The following IGHMBP2 variants were observed in gnomAD, a reference collection of about 807,000 sequenced individuals.
The protein encoded by IGHMBP2 is immunoglobulin mu DNA binding protein 2, also known as DNA-binding protein SMUBP-2.
Under a neutral mutation model 96.0 loss-of-function variants are expected in IGHMBP2, and 81 were observed. The observed-to-expected ratio is 0.84, with a 90% CI of 0.71 to 1.01. The LOEUF is 1.01. Ranked by LOEUF, IGHMBP2 falls within the 50% of genes least tolerant of loss-of-function variation. The pLI is 0.00. For synonymous variants in IGHMBP2, 557 were observed against 548.9 expected (o/e 1.01, Z -0.21); for missense variants, 1,227 against 1,306.3 (o/e 0.94, Z 0.94).
Position 68,936,994 on chromosome 11 carries a change from GC to G in IGHMBP2, c.2515del (p.Gln839ArgfsTer139). On this transcript the variant is annotated frameshift_variant, in exon 13 of 15. Transcript: ENST00000255078. LOFTEE classifies it high-confidence loss of function. ...DLRTLHLERL[Q>X]RVRSAQGQPA... Reference sequence around the variant, plus strand: ...TGAGGACGCTGCACCTGGAGAGACTGCAGAGGGTCAGGAGCGCGCAGGGGCA... The same window carrying G: ...TGAGGACGCTGCACCTGGAGAGACTGAGAGGGTCAGGAGCGCGCAGGGGCA... 6.2e-7 allele frequency: 1 copy of G among 1,609,492 alleles called. No homozygotes were observed. Among genetic ancestry groups the G allele is most frequent in the South Asian group, 1.1e-5 (1 of 90,856 alleles).
Position 68,930,432 on chromosome 11 carries a change from C to T in IGHMBP2, c.1235+1075C>T, listed in dbSNP as rs569671113. The stretch of plus-strand genomic sequence containing the variant: ...GGGGCGTGGGCAGCCCAGGAGTTGG[C>T]GGGTATGTAGAGAGAGGTGTCAAAA... On this transcript the variant is annotated intron_variant, in intron 8 of 14. Coordinates refer to ENST00000255078, the MANE Select transcript of IGHMBP2 (RefSeq NM_002180.3). The T allele has an allele frequency of 2.6e-5, 33 of 1,289,170 alleles. No homozygotes were observed. In the African/African-American group the frequency reaches 3.6e-4, roughly 14 times the overall value. The allele number at this position is 1,289,170 out of a possible 1,614,324, so 79.9% of individuals were successfully genotyped here.
At chr11:68,932,114 CG>C (rs1285956995) in intron 8 of IGHMBP2, among the ~76,000 whole-genome samples, 2 of 123,134 alleles carry the variant, frequency 1.6e-5, no homozygotes, top group Admixed American at 8.6e-5. Context: ...AGGATGGTTT[CG>C]GGGGAAGACG....
intron 7 of IGHMBP2, 95 bp downstream of exon 7, chr11:68,917,978 G>T (rs1325695415): frequency 7.1e-7 from 1 of 1,401,344 alleles, no homozygotes; most frequent in Middle Eastern, 2.4e-4. Context: ...TTTAGAATTG[G>T]TATTTCTTTC....
intron 4 of IGHMBP2, among the ~76,000 whole-genome samples, chr11:68,909,239 G>A (rs1373176631): frequency 6.7e-6 from 1 of 150,242 alleles, no homozygotes; most frequent in East Asian, 2.0e-4. Context: ...GAGTATAGTG[G>A]CATGATCTTG....
rs781560475 is a variant in IGHMBP2 at position 68,936,591 on chromosome 11, C to T, written c.2111C>T (p.Ser704Phe). 5.0e-6 allele frequency: 8 copies of T among 1,612,704 alleles called. No homozygotes were observed. The highest frequency in any genetic ancestry group is 6.8e-6 in the Non-Finnish European group (8 of 1,179,360). ...AAGCCGGCTGGGAAGTCTCTGGCCT[C>T]TGAAGCTCCATCTCAGCCCAGCCTC... ...RKKPAGKSLA[S>F]EAPSQPSLNG... Residue 704 changes from serine (S) to phenylalanine (F), a missense_variant, in exon 13 of 15, where the codon TCT becomes TTT. Ser to Phe is a radical substitution (Grantham distance 155). Around this residue, in one of 3 missense-constraint regions of IGHMBP2, gnomAD observed 703 missense variants for 770.3 expected, o/e 0.91. Coordinates refer to ENST00000255078, the MANE Select transcript of IGHMBP2 (RefSeq NM_002180.3).
At chr11:68,908,487 G>T in intron 3 of IGHMBP2, 47 bp from the exon 4 acceptor site, 1 of 1,513,718 alleles carries the variant, frequency 6.6e-7, no homozygotes. Flanking sequence ...GCAGAGGCTC[G>T]GGCACTGAAT....
chr11:68,932,189 G>C (rs1303247018), intron 8 of IGHMBP2: 1 of 152,960 alleles, frequency 6.5e-6, no homozygotes, highest in East Asian at 1.9e-4. Flanking sequence ...GGCGTTCCCT[G>C]CAGAGAGTAG....
intron 7 of IGHMBP2, among the ~76,000 whole-genome samples, chr11:68,923,063 C>T (rs751363268): frequency 6.6e-6 from 1 of 152,160 alleles, no homozygotes. Flanking sequence ...TTTCGATGAA[C>T]TGTTCCCCTT....
rs922075405 is a variant in IGHMBP2, at chr11:68,935,415, C to T, written c.1749C>T (p.Asn583=). The change falls in exon 12 of 15, where the codon AAC becomes AAT. Residue 583 remains asparagine (N), a synonymous_variant. Transcript: ENST00000255078. ...TGATACTGTCCTTCGTCAGATCCAA[C>T]AGGAAAGGTACGGAGCCCTCGCCAG... The part of the protein sequence containing the change: ...EAVILSFVRS[N]RKGEVGFLAE... 6.2e-6 allele frequency: 10 copies of T among 1,613,950 alleles called. No homozygotes were observed. In the African/African-American group the frequency reaches 1.2e-4, roughly 19 times the overall value.
chr11:68,933,899 C>G lies in IGHMBP2; in HGVS notation c.1523C>G (p.Ser508Trp), dbSNP rs754465226. The change falls in exon 10 of 15, where the codon TCG (serine) becomes TGG (tryptophan). Residue 508 changes from serine (S) to tryptophan (W), a missense_variant. Transcript: ENST00000255078. ...GAGCTGGAGGAGGAGGACGAACAGT[C>G]GAAAGGGAACCCTGGTGAGCTTGCT... ...LFELEEEDEQ[S>W]KGNPGEVRLV... 6.3e-7 allele frequency: 1 copy of G among 1,593,184 alleles called. No homozygotes were observed. The highest frequency in any genetic ancestry group is 8.6e-7 in the Non-Finnish European group (1 of 1,168,450).
chr11:68,919,682 A>G (rs1299429126), intron 7 of IGHMBP2, among the ~76,000 whole-genome samples: 4 of 152,242 alleles, frequency 2.6e-5, no homozygotes, highest in Admixed American at 6.5e-5. Context: ...ATCTCTGAAT[A>G]TAACTGGACA....
At position 68,928,719 on chromosome 11, in the gene IGHMBP2, C is replaced by T. The variant is rs548152184; in HGVS notation, c.1061-464C>T. 5.9e-5 allele frequency among the ~76,000 whole-genome samples: 9 copies of T among 152,244 alleles called. 1 individual carries two copies. Among genetic ancestry groups the T allele is most frequent in the African/African-American group, 1.9e-4 (8 of 41,508 alleles). On this transcript the variant is annotated intron_variant, in intron 7 of 14. Coordinates refer to ENST00000255078, the MANE Select transcript of IGHMBP2 (RefSeq NM_002180.3). Reference sequence around the variant, plus strand: ...GCCTGAACGCTGCACTCTGCTGCTCCGCGTCCCAGGAAGGAAAAGCTGCTG... The same window carrying T: ...GCCTGAACGCTGCACTCTGCTGCTCTGCGTCCCAGGAAGGAAAAGCTGCTG...
rs1566445831 is a variant in IGHMBP2, at chr11:68,936,211, TCTCA to T, written c.1757-22_1757-19del. ...TGTGTTTCTTAGTCTGAAACCTGCT[TCTCA>T]CTCCCCTCTGGCCTTTTGTAGGTGA... On this transcript the variant is annotated intron_variant, in intron 12 of 14. Transcript: ENST00000255078. 9 of 1,613,020 alleles carry T rather than the reference TCTCA, an allele frequency of 5.6e-6. No homozygotes were observed. In the South Asian group the frequency reaches 9.9e-5, roughly 18 times the overall value.
chr11:68,936,102 G>A, intron 12 of IGHMBP2, 135 bp from the exon 13 acceptor site: 1 of 985,662 alleles, frequency 1.0e-6, no homozygotes, highest in Non-Finnish European at 1.6e-6. Flanking sequence ...GCCACGCGTG[G>A]CCGGGCACCC....
At chr11:68,910,316 A>G (rs1247094001) in intron 4 of IGHMBP2, among the ~76,000 whole-genome samples, 1 of 152,230 alleles carries the variant, frequency 6.6e-6, no homozygotes, top group African/African-American at 2.4e-5. Context: ...CCTATGCGTC[A>G]CAAACTGAAT....
chr11:68,908,616 C>T lies in IGHMBP2; in HGVS notation c.532C>T (p.Pro178Ser), dbSNP rs1566425176. The change falls in exon 4 of 15, where the codon CCT becomes TCT. Residue 178 changes from proline (P) to serine (S), a missense_variant. Physicochemically the swap from Pro to Ser is moderately conservative, Grantham distance 74. Around this residue, in one of 3 missense-constraint regions of IGHMBP2, gnomAD observed 507 missense variants for 496.9 expected, o/e 1.02. Transcript: ENST00000255078. ...EVLFGRSAPSPASEIHPLTFF... is the reference protein window; with the variant it reads ...EVLFGRSAPSSASEIHPLTFF... ...GCTCTTTGGCAGATCTGCTCCCAGT[C>T]CTGCCAGTGAAATACGTAAGAACTT... 6.2e-7 allele frequency: 1 copy of T among 1,610,796 alleles called. No homozygotes were observed. The highest frequency in any genetic ancestry group is 1.7e-5 in the Admixed American group (1 of 60,014).
chr11:68,911,676 G>T, intron 5 of IGHMBP2, 73 bp downstream of exon 5: 1 of 1,427,062 alleles, frequency 7.0e-7, no homozygotes. Flanking sequence ...GGTGCTCAGC[G>T]ACCTTTCAGC....
intron 1 of IGHMBP2, among the ~76,000 whole-genome samples, chr11:68,905,199 TCAGG>T (rs1302131407): frequency 2.0e-5 from 3 of 152,248 alleles, no homozygotes; most frequent in African/African-American, 7.2e-5. Flanking sequence ...CGATTTGCTG[TCAGG>T]CAGTCTGCTT....
intron 2 of IGHMBP2, among the ~76,000 whole-genome samples, chr11:68,907,504 G>GA (rs1858248479): frequency 6.6e-6 from 1 of 152,200 alleles, no homozygotes. Flanking sequence ...TGGAAGCCTG[G>GA]AGGAAGCAGC....
Sources: allele counts gnomAD v4.1 joint callset (sites outside exome capture counted in the v4.1 genomes callset), GRCh38; gene constraint gnomAD v4.1.1; regional missense constraint gnomAD v4.1.1; transcripts MANE v1.5; gene names NCBI Gene and HGNC (gene_info 2026-07-23, HGNC 2026-07-21).